Variants in NXPE2 observed in about 807,000 individuals in gnomAD.
NXPE2 encodes neurexophilin and PC-esterase domain family member 2.
NXPE2 carries 34 observed loss-of-function variants against 34.4 expected under a neutral mutation model. That is an observed-to-expected ratio of 0.99 (90% CI 0.75 to 1.31). NXPE2 has a LOEUF of 1.31. NXPE2 is among the 40% of genes most tolerant of loss of function. The pLI is 0.00. For synonymous variants in NXPE2, 235 were observed against 231.3 expected (o/e 1.02, Z -0.15); for missense variants, 649 against 672.5 (o/e 0.97, Z 0.39).
the NXPE2 span, among the ~76,000 whole-genome samples, chr11:114,609,675 A>T: frequency 2.2e-4 from 33 of 151,404 alleles, 1 homozygote; most frequent in Admixed American, 1.9e-3. Flanking sequence ...CCCAGTGGAT[A>T]ATAAGTATTT....
the NXPE2 span, among the ~76,000 whole-genome samples, chr11:114,625,140 A>T: frequency 2.6e-5 from 4 of 152,222 alleles, no homozygotes; most frequent in East Asian, 7.7e-4. Flanking sequence ...TAATGACTGG[A>T]TAATAAGTAT....
chr11:114,608,677 A>C, the NXPE2 span, among the ~76,000 whole-genome samples: 1 of 151,308 alleles, frequency 6.6e-6, no homozygotes, highest in Non-Finnish European at 1.5e-5. Flanking sequence ...GATAATAAGC[A>C]TTGCCTCCCA....
chr11:114,788,174 C>A, the NXPE2 span, among the ~76,000 whole-genome samples: 5 of 152,232 alleles, frequency 3.3e-5, no homozygotes, highest in Admixed American at 3.3e-4. Context: ...AATAGAGCTG[C>A]TGCCCCCAGC....
chr11:114,681,368 G>A (rs1950947038), intron 2 of NXPE2, among the ~76,000 whole-genome samples: 1 of 152,156 alleles, frequency 6.6e-6, no homozygotes, highest in African/African-American at 2.4e-5. Flanking sequence ...AAATGAAAAT[G>A]TGAATATGGT....
chr11:114,566,153 G>A, the NXPE2 span, among the ~76,000 whole-genome samples: 2 of 152,178 alleles, frequency 1.3e-5, no homozygotes, highest in South Asian at 2.1e-4. Flanking sequence ...AATTAGATAT[G>A]CAAGTCCTAA....
the NXPE2 span, among the ~76,000 whole-genome samples, chr11:114,502,996 A>T: frequency 6.6e-6 from 1 of 152,220 alleles, no homozygotes; most frequent in Non-Finnish European, 1.5e-5. Context: ...CAAGTCTCCC[A>T]GATAAAGTGG....
At chr11:114,731,825 T>A in the NXPE2 span, among the ~76,000 whole-genome samples, 2 of 152,228 alleles carry the variant, frequency 1.3e-5, no homozygotes, top group African/African-American at 4.8e-5. Flanking sequence ...TATGTCAATG[T>A]TAACATTCTA....
chr11:114,699,876 C>T (rs1249884286), intron 3 of NXPE2, among the ~76,000 whole-genome samples: 1 of 151,438 alleles, frequency 6.6e-6, no homozygotes, highest in Non-Finnish European at 1.5e-5. Context: ...TCACTGCAAC[C>T]TCCGCCTCCT....
At chr11:114,640,093 AAT>A in the NXPE2 span, among the ~76,000 whole-genome samples, 7 of 124,010 alleles carry the variant, frequency 5.6e-5, no homozygotes, top group East Asian at 2.4e-4. Context: ...AATGTAATAT[AAT>A]ATATGATTAT....
the NXPE2 span, among the ~76,000 whole-genome samples, chr11:114,500,639 C>G: frequency 1.3e-5 from 2 of 151,958 alleles, no homozygotes; most frequent in South Asian, 4.1e-4. Context: ...ATCACTTTTT[C>G]TTCTATGGTT....
At chr11:114,732,448 C>CCCTGAGAGCAATCTCCAGAAAACCT in the NXPE2 span, among the ~76,000 whole-genome samples, 1 of 152,228 alleles carries the variant, frequency 6.6e-6, no homozygotes, top group Non-Finnish European at 1.5e-5. Context: ...TCACAAGTGT[C>CCCTGAGAGCAATCTCCAGAAAACCT]CCTGAGAGCA....
chr11:114,793,331 T>A, the NXPE2 span, among the ~76,000 whole-genome samples: 2 of 151,628 alleles, frequency 1.3e-5, no homozygotes, highest in Admixed American at 6.6e-5. Flanking sequence ...TTACTACCAC[T>A]TTTTTTTTCT....
chr11:114,785,865 C>A, the NXPE2 span, among the ~76,000 whole-genome samples: 3 of 152,162 alleles, frequency 2.0e-5, no homozygotes, highest in Non-Finnish European at 4.4e-5. Flanking sequence ...AATTATTGCA[C>A]TTCCCAGGTG....
chr11:114,653,197 C>T, the NXPE2 span, among the ~76,000 whole-genome samples: 1,244 of 152,146 alleles, frequency 8.2e-3, 18 homozygotes, highest in African/African-American at 0.028. Context: ...TAAAACAAAA[C>T]ATTTATTATT....
the NXPE2 span, among the ~76,000 whole-genome samples, chr11:114,787,173 A>G: frequency 3.4e-5 from 5 of 146,736 alleles, no homozygotes; most frequent in East Asian, 2.0e-4. Flanking sequence ...CAACAGGCGC[A>G]CACACACAAA....
the NXPE2 span, among the ~76,000 whole-genome samples, chr11:114,650,561 C>T: frequency 6.7e-6 from 1 of 150,170 alleles, no homozygotes; most frequent in East Asian, 2.0e-4. Flanking sequence ...GTTCTCCTTC[C>T]CCAGGAAGTG....
At chr11:114,801,556 TAA>T in the NXPE2 span, among the ~76,000 whole-genome samples, 4 of 152,164 alleles carry the variant, frequency 2.6e-5, no homozygotes, top group African/African-American at 7.2e-5. Context: ...TTCAGATTCT[TAA>T]AAGAGTGCCC....
At chr11:114,536,026 T>C in the NXPE2 span, among the ~76,000 whole-genome samples, 2 of 152,202 alleles carry the variant, frequency 1.3e-5, no homozygotes, top group African/African-American at 2.4e-5. Flanking sequence ...GACCACATAG[T>C]TGGAAGTAAA....
At chr11:114,603,171 C>T in the NXPE2 span, among the ~76,000 whole-genome samples, 4 of 151,374 alleles carry the variant, frequency 2.6e-5, no homozygotes, top group South Asian at 2.1e-4. Flanking sequence ...ACTACTATTA[C>T]CTGGTGGATG....
Sources: gnomAD v4.1 joint callset for allele counts (sites outside exome capture counted in the v4.1 genomes callset) on GRCh38, gnomAD v4.1.1 for gene constraint, MANE v1.5 for transcripts, NCBI Gene and HGNC (gene_info 2026-07-23, HGNC 2026-07-21) for gene names.